Variants in PAX2 observed in about 807,000 individuals in gnomAD.
The protein encoded by PAX2 is paired box 2.
In PAX2, 9 loss-of-function variants were observed where a neutral mutation model predicts 41.7. The ratio of observed to expected loss-of-function variants is 0.22; its 90% CI spans 0.13 to 0.38. The LOEUF is 0.38. Ranked by LOEUF, PAX2 falls within the 10% of genes least tolerant of loss-of-function variation. The pLI, the probability that PAX2 is intolerant of heterozygous loss-of-function variation, is 1.00. For missense variants in PAX2, 418 were observed against 531.6 expected (o/e 0.79, Z 2.10); for synonymous variants, 221 against 212.7 (o/e 1.04, Z -0.34).
rs1846609444 is a variant in PAX2, at chr10:100,781,248, C to A, written c.499C>A (p.Pro167Thr). The change falls in exon 5 of 10, where the codon CCC (proline) becomes ACC (threonine). Residue 167 changes from proline (P) to threonine (T), a missense_variant and splice_region_variant. By Grantham distance (38) the Pro-to-Thr change is conservative (BLOSUM62 -1). Transcript: ENST00000355243. ...GVTAPGHTIV[P>T]STASPPVSSA... ...ATTTCCTCCTTCCTCTCATCCAGTT[C>A]CCAGCACGGCCTCCCCTCCTGTTTC... 2 of 1,614,042 alleles carry A rather than the reference C, an allele frequency of 1.2e-6. No homozygotes were observed. The highest frequency in any genetic ancestry group is 1.7e-6 in the Non-Finnish European group (2 of 1,179,902).
Position 100,828,518 on chromosome 10 carries a change from C to T in PAX2, c.*899C>T. 4.3e-6 allele frequency: 1 copy of T among 233,880 alleles called. No homozygotes were observed. The highest frequency in any genetic ancestry group is 8.4e-6 in the Non-Finnish European group (1 of 118,480). 14.5% of individuals were successfully genotyped at this position (233,880 alleles called of 1,614,324 possible). A position where few individuals can be genotyped will look rare whatever the true frequency, so the allele number is the denominator to read the frequency against. On this transcript the variant is annotated 3_prime_UTR_variant, in exon 10 of 10. Coordinates refer to ENST00000355243, the MANE Select transcript of PAX2 (RefSeq NM_000278.5). This position sits in a 1 kb window ranked among gnomAD's most constrained non-coding sequence, Gnocchi z 6.5. Reference sequence around the variant, plus strand: ...CCTTCGCCTGTCCCTTGACGCCCTGCATCCTCCTCCCTGACTCGCAGCCCC... The same window carrying T: ...CCTTCGCCTGTCCCTTGACGCCCTGTATCCTCCTCCCTGACTCGCAGCCCC...
upstream of PAX2, among the ~76,000 whole-genome samples, chr10:100,744,701 C>T (rs921641735): frequency 4.6e-5 from 7 of 152,242 alleles, no homozygotes; most frequent in East Asian, 1.9e-4. Context: ...TTTCCCTCCC[C>T]TGTACCCCCT....
At position 100,829,220 on chromosome 10, in the gene PAX2, CCT is replaced by C. The variant is rs1417930544; in HGVS notation, c.*1607_*1608del. The C allele has an allele frequency of 4.3e-6, 1 of 232,200 alleles. No homozygotes were observed. The highest frequency in any genetic ancestry group is 1.2e-3 in the Middle Eastern group (1 of 814). 14.4% of individuals were successfully genotyped at this position (232,200 alleles called of 1,614,324 possible). On this transcript the variant is annotated 3_prime_UTR_variant, in exon 10 of 10. Coordinates refer to ENST00000355243, the MANE Select transcript of PAX2 (RefSeq NM_000278.5). ...GTGTTTTCGCTTTTTCCTCCCTGCC[CCT>C]CTCTCCCTCTGCCCCTCTCTCCTCT...
intron 5 of PAX2, chr10:100,786,849 G>A: frequency 1.5e-6 from 1 of 665,564 alleles, no homozygotes; most frequent in Non-Finnish European, 2.6e-6. Flanking sequence ...TAGAAGGGGA[G>A]TCTGGTCTCC....
rs1431383114 is a variant in PAX2 at position 100,746,132 on chromosome 10, C to A, written c.-129C>A. The A allele has an allele frequency of 2.5e-6, 4 of 1,571,132 alleles. No individual in the cohort carries two copies. Among genetic ancestry groups the A allele is most frequent in the Non-Finnish European group, 3.4e-6 (4 of 1,162,336 alleles). On this transcript the variant is annotated 5_prime_UTR_variant, in exon 1 of 10. Transcript: ENST00000355243. Reference sequence around the variant, plus strand: ...CTGCGCCCCCCGCCCCCGCGCGCCCCGCAGCAGCCGGGCGTTCACTCATCC... The same window carrying A: ...CTGCGCCCCCCGCCCCCGCGCGCCCAGCAGCAGCCGGGCGTTCACTCATCC...
intron 3 of PAX2, among the ~76,000 whole-genome samples, chr10:100,770,964 G>T (rs1846188556): frequency 6.6e-6 from 1 of 152,156 alleles, no homozygotes; most frequent in African/African-American, 2.4e-5. Flanking sequence ...CAACCAGAAG[G>T]ATGGTTTCTT....
At chr10:100,752,100 C>T (rs1251152119) in intron 3 of PAX2, among the ~76,000 whole-genome samples, 1 of 152,154 alleles carries the variant, frequency 6.6e-6, no homozygotes, top group African/African-American at 2.4e-5. Flanking sequence ...TAGAATGTAC[C>T]TTGGCTAAAG....
rs116238076 is a variant in PAX2, at chr10:100,781,394, C to T, written c.616+29C>T. The T allele has an allele frequency of 4.4e-5, 71 of 1,613,218 alleles. No individual in the cohort carries two copies. In the African/African-American group the frequency reaches 8.0e-4, roughly 18 times the overall value. On this transcript the variant is annotated intron_variant, in intron 5 of 9. Coordinates refer to ENST00000355243, the MANE Select transcript of PAX2 (RefSeq NM_000278.5). ...GGGAGGAGGGAAGAGGTGTGGCTTC[C>T]CCTTCACATGCTTTGTCCTTGGACT...
intron 3 of PAX2, among the ~76,000 whole-genome samples, chr10:100,759,514 G>A (rs2133855102): frequency 1.3e-5 from 2 of 152,274 alleles, no homozygotes; most frequent in African/African-American, 4.8e-5. Flanking sequence ...GCCTGCTGGG[G>A]GTTGCAGATT....
intron 3 of PAX2, among the ~76,000 whole-genome samples, chr10:100,776,959 A>AT (rs899030940): frequency 6.6e-6 from 1 of 152,074 alleles, no homozygotes; most frequent in Non-Finnish European, 1.5e-5. Flanking sequence ...GTTTGTAGAG[A>AT]TCCCCCCTAG....
At chr10:100,759,515 G>T (rs1236840024) in intron 3 of PAX2, among the ~76,000 whole-genome samples, 1 of 152,162 alleles carries the variant, frequency 6.6e-6, no homozygotes, top group Non-Finnish European at 1.5e-5. Flanking sequence ...CCTGCTGGGG[G>T]TTGCAGATTC....
chr10:100,757,581 C>A (rs545147853), intron 3 of PAX2, among the ~76,000 whole-genome samples: 4 of 152,206 alleles, frequency 2.6e-5, no homozygotes, highest in African/African-American at 7.2e-5. Flanking sequence ...GCCAAGAAGG[C>A]GCTCTTCCCA....
At chr10:100,763,758 C>G (rs769845854) in intron 3 of PAX2, among the ~76,000 whole-genome samples, 1 of 152,170 alleles carries the variant, frequency 6.6e-6, no homozygotes, top group Non-Finnish European at 1.5e-5. Context: ...TGCTAAGCAC[C>G]TACTATGTGC....
Position 100,745,680 on chromosome 10 carries a change from C to T in PAX2, c.-581C>T, listed in dbSNP as rs991138143. On this transcript the variant is annotated 5_prime_UTR_variant, in exon 1 of 10. Coordinates refer to ENST00000355243, the MANE Select transcript of PAX2 (RefSeq NM_000278.5). ...CCTCCCTCCCTCCCGGCCCTTCGGC[C>T]GCGGCGGCGTGCGCCTGCCTTTTCC... 1.6e-4 allele frequency: 146 copies of T among 919,616 alleles called. No homozygotes were observed. The highest frequency in any genetic ancestry group is 1.2e-3 in the Admixed American group (20 of 16,960). 57.0% of individuals were successfully genotyped at this position (919,616 alleles called of 1,614,324 possible).
At chr10:100,754,896 TG>T (rs772622726) in intron 3 of PAX2, among the ~76,000 whole-genome samples, 19 of 152,204 alleles carry the variant, frequency 1.2e-4, no homozygotes, top group Non-Finnish European at 2.6e-4. Flanking sequence ...TCAGGGCTGT[TG>T]GTCTCATGGC....
At chr10:100,746,557 T>C (rs771637094) in intron 1 of PAX2, among the ~76,000 whole-genome samples, 1 of 152,228 alleles carries the variant, frequency 6.6e-6, no homozygotes, top group Non-Finnish European at 1.5e-5. Flanking sequence ...ATCACCTGCC[T>C]TTGCTCTTTC....
At chr10:100,757,863 G>A (rs1384878246) in intron 3 of PAX2, among the ~76,000 whole-genome samples, 1 of 152,192 alleles carries the variant, frequency 6.6e-6, no homozygotes, top group Non-Finnish European at 1.5e-5. Context: ...GAGGGTATGG[G>A]AAGCTAAAGA....
Position 100,776,748 on chromosome 10 carries a change from T to C in PAX2, c.411-2750T>C, listed in dbSNP as rs115176374. On this transcript the variant is annotated intron_variant, in intron 3 of 9. Transcript: ENST00000355243. The stretch of plus-strand genomic sequence containing the variant: ...AACCAGTCACCTCCCTATAGCCTTA[T>C]TCCTGACCTGCTGATGTAAACTCCA... 1.9e-3 allele frequency among the ~76,000 whole-genome samples: 287 copies of C among 152,316 alleles called. 3 individuals are homozygous for C. The highest frequency in any genetic ancestry group is 6.6e-3 in the African/African-American group (273 of 41,568).
In PAX2 at chr10:100,748,492, G is replaced by A. The variant is rs1400730311; in HGVS notation, c.44-1254G>A. 12 of 985,138 alleles carry A rather than the reference G, an allele frequency of 1.2e-5. No individual in the cohort carries two copies. The highest frequency in any genetic ancestry group is 4.7e-5 in the South Asian group (1 of 21,280). The allele number at this position is 985,138 out of a possible 1,614,324, so 61.0% of individuals were successfully genotyped here. ...TGTCCCCGCTTTCTCCGAAACTCGC[G>A]TGAGGCTAGCGGGGCAGGGGCTGCA... is the stretch of plus-strand genomic sequence containing the variant. On this transcript the variant is annotated intron_variant, in intron 1 of 9. Coordinates refer to ENST00000355243, the MANE Select transcript of PAX2 (RefSeq NM_000278.5). This position sits in a 1 kb window ranked among gnomAD's most constrained non-coding sequence, Gnocchi z 5.0.
Sources: allele counts gnomAD v4.1 joint callset (sites outside exome capture counted in the v4.1 genomes callset), GRCh38; gene constraint gnomAD v4.1.1; non-coding constraint Gnocchi (gnomAD v3.1); transcripts MANE v1.5; gene names NCBI Gene and HGNC (gene_info 2026-07-23, HGNC 2026-07-21).